FRMD6: variants seen among roughly 807,000 people sequenced by gnomAD.
FRMD6 encodes the protein FERM domain-containing protein 6.
A neutral mutation model predicts 73.2 loss-of-function variants in FRMD6; 37 were observed. That is an observed-to-expected ratio of 0.51 (90% CI 0.39 to 0.66). FRMD6 has a LOEUF of 0.66. FRMD6 is among the 30% of genes least tolerant of loss of function. The pLI, the probability that FRMD6 is intolerant of heterozygous loss-of-function variation, is 0.00. For synonymous variants in FRMD6, 273 were observed against 282.2 expected, an observed-to-expected ratio of 0.97 and a Z score of 0.33; for missense variants, 714 against 780.5, an observed-to-expected ratio of 0.91 and a Z score of 1.02.
chr14:51,581,796 T>C (rs1256575105), intron 2 of FRMD6, among the ~76,000 whole-genome samples: 1 of 151,706 alleles, frequency 6.6e-6, no homozygotes, highest in African/African-American at 2.4e-5. Flanking sequence ...GAACTTTATG[T>C]TTCATTCTAA....
chr14:51,482,942 T>C, the FRMD6 span, among the ~76,000 whole-genome samples: 1 of 152,280 alleles, frequency 6.6e-6, no homozygotes, highest in South Asian at 2.1e-4. Flanking sequence ...GACCTCGTGA[T>C]CTACCCGCCT....
At chr14:51,606,164 C>T (rs1890248384) in intron 2 of FRMD6, among the ~76,000 whole-genome samples, 1 of 152,142 alleles carries the variant, frequency 6.6e-6, no homozygotes, top group Non-Finnish European at 1.5e-5. Context: ...AGTCTTCAAG[C>T]ACTTGGTAGC....
At chr14:51,628,959 C>G (rs192732281) in intron 2 of FRMD6, among the ~76,000 whole-genome samples, 1 of 142,254 alleles carries the variant, frequency 7.0e-6, no homozygotes, top group Admixed American at 7.3e-5. Flanking sequence ...TCACTGCAAG[C>G]TCCGCCTCCC....
At chr14:51,589,698 C>T (rs7161454) in intron 2 of FRMD6, among the ~76,000 whole-genome samples, 145,255 of 152,292 alleles carry the variant, frequency 0.95, 69,322 homozygotes, top group South Asian at 0.98. Context: ...GCATAACCAA[C>T]TGTGTCCATG....
At position 51,708,433 on chromosome 14, in the gene FRMD6, G is replaced by A. The variant is rs141843623; in HGVS notation, c.714+200G>A. On this transcript the variant is annotated intron_variant, in intron 7 of 13. Transcript: ENST00000344768. The stretch of plus-strand genomic sequence containing the variant: ...GGTGCTTTTACTCTGGCCTGGAAGC[G>A]GGGTGGAGTATTTTTTAATGGTTCT... The A allele has an allele frequency of 4.1e-4, 213 of 517,648 alleles. No individual in the cohort carries two copies. In the East Asian group the frequency reaches 6.3e-3, roughly 15 times the overall value. 32.1% of individuals were successfully genotyped at this position (517,648 alleles called of 1,614,324 possible).
chr14:51,507,708 A>G (rs1196511079), intron 1 of FRMD6, among the ~76,000 whole-genome samples: 2 of 151,672 alleles, frequency 1.3e-5, no homozygotes, highest in African/African-American at 2.4e-5. Context: ...TTCCAGTTCC[A>G]TTAGAAGTAC....
At chr14:51,665,870 G>A (rs977482293) in intron 1 of FRMD6, among the ~76,000 whole-genome samples, 5 of 152,102 alleles carry the variant, frequency 3.3e-5, no homozygotes, top group East Asian at 1.9e-4. Context: ...CCCTCTTCTC[G>A]TCTGCCGCCA....
intron 1 of FRMD6, among the ~76,000 whole-genome samples, chr14:51,663,141 A>G (rs1449764161): frequency 6.6e-6 from 1 of 152,240 alleles, no homozygotes; most frequent in Non-Finnish European, 1.5e-5. Flanking sequence ...TTGTGGAGGA[A>G]AAGGAATGCT....
At chr14:51,396,925 T>C in the FRMD6 span, 1 of 152,234 alleles carries the variant, frequency 6.6e-6, no homozygotes, top group African/African-American at 2.4e-5. Flanking sequence ...TCCCTGTGGT[T>C]AGGGCTAAAT....
intron 1 of FRMD6, among the ~76,000 whole-genome samples, chr14:51,520,610 A>T (rs577040595): frequency 2.4e-4 from 37 of 152,336 alleles, no homozygotes; most frequent in Middle Eastern, 3.4e-3. Flanking sequence ...CAGCAGTTAA[A>T]ACAAGTAAAC....
At chr14:51,723,378 A>G (rs777087495) in intron 12 of FRMD6, among the ~76,000 whole-genome samples, 3 of 152,194 alleles carry the variant, frequency 2.0e-5, no homozygotes, top group Non-Finnish European at 4.4e-5. Flanking sequence ...TTTAATTTTT[A>G]TAAGACTGTT....
chr14:51,540,803 G>T (rs929327842), intron 1 of FRMD6, among the ~76,000 whole-genome samples: 2 of 152,002 alleles, frequency 1.3e-5, no homozygotes, highest in African/African-American at 2.4e-5. Context: ...AAAGGAAAAT[G>T]ATTCAAAAGT....
At chr14:51,566,820 T>A (rs1887800162) in intron 1 of FRMD6, among the ~76,000 whole-genome samples, 1 of 152,246 alleles carries the variant, frequency 6.6e-6, no homozygotes, top group African/African-American at 2.4e-5. Context: ...CAAAGTTTTG[T>A]AAAGTATCCT....
chr14:51,683,032 A>T (rs966350996), intron 1 of FRMD6, among the ~76,000 whole-genome samples: 3 of 152,160 alleles, frequency 2.0e-5, no homozygotes, highest in African/African-American at 4.8e-5. Flanking sequence ...ATTTCAACCC[A>T]TACACCCATA....
intron 2 of FRMD6, among the ~76,000 whole-genome samples, chr14:51,601,237 C>T (rs576513078): frequency 6.6e-6 from 1 of 152,284 alleles, no homozygotes; most frequent in African/African-American, 2.4e-5. Flanking sequence ...CAAGAGAAAA[C>T]CTGCTGGCTG....
the FRMD6 span, among the ~76,000 whole-genome samples, chr14:51,449,532 A>G: frequency 1.3e-5 from 2 of 152,220 alleles, no homozygotes. Flanking sequence ...AGAGAAGGCC[A>G]TCTGAAACAG....
Position 51,729,356 on chromosome 14 carries a change from A to G in FRMD6, c.*1327A>G, listed in dbSNP as rs767847151. On this transcript the variant is annotated 3_prime_UTR_variant, in exon 14 of 14. Transcript: ENST00000344768. ...GTGTACAGAAGACGTAGTGTATGAGAAAGGGCCATTTTTAAGACAGTTACC... is the reference window on the plus strand; with the variant it reads ...GTGTACAGAAGACGTAGTGTATGAGGAAGGGCCATTTTTAAGACAGTTACC... The G allele has an allele frequency of 1.3e-5, 2 of 152,628 alleles. No homozygotes were observed. Among genetic ancestry groups the G allele is most frequent in the Non-Finnish European group, 2.9e-5 (2 of 68,046 alleles). The allele number at this position is 152,628 out of a possible 1,614,324, so 9.5% of individuals were successfully genotyped here.
chr14:51,459,582 CTT>C, the FRMD6 span, among the ~76,000 whole-genome samples: 1 of 152,122 alleles, frequency 6.6e-6, no homozygotes, highest in East Asian at 1.9e-4. Flanking sequence ...AATCCCAGCA[CTT>C]TGAGAGGCCG....
chr14:51,412,603 G>A, the FRMD6 span, among the ~76,000 whole-genome samples: 1 of 152,102 alleles, frequency 6.6e-6, no homozygotes, highest in African/African-American at 2.4e-5. Flanking sequence ...TGTAATCCCA[G>A]CACTTTGGGA....
Sources: allele counts gnomAD v4.1 joint callset (sites outside exome capture counted in the v4.1 genomes callset), GRCh38; gene constraint gnomAD v4.1.1; transcripts MANE v1.5; gene names NCBI Gene and HGNC (gene_info 2026-07-23, HGNC 2026-07-21).